Variants in HSPH1 observed in about 807,000 individuals in gnomAD.
The protein encoded by HSPH1 is heat shock protein 105 kDa.
In HSPH1, 40 loss-of-function variants were observed where a neutral mutation model predicts 100.0. That is an observed-to-expected ratio of 0.40 (90% CI 0.31 to 0.52). The LOEUF (loss-of-function observed/expected upper bound fraction) is 0.52, where lower values mean the gene tolerates loss of function less well. Ranked by LOEUF, HSPH1 falls within the 20% of genes least tolerant of loss-of-function variation. The probability of loss-of-function intolerance (pLI) is 0.54; values close to 1 mark genes in which losing one functional copy is unlikely to be tolerated. For missense variants in HSPH1, 876 were observed against 1,015.1 expected (o/e 0.86, Z 1.86); for synonymous variants, 403 against 344.0 (o/e 1.17, Z -1.90).
intron 11 of HSPH1, 88 bp from the exon 12 acceptor site, chr13:31,144,011 C>T: frequency 8.7e-7 from 1 of 1,151,542 alleles, no homozygotes; most frequent in South Asian, 2.5e-5. Context: ...AGAAAGTACA[C>T]TCAATTTCTG....
chr13:31,138,115 A>G (rs1396251415), intron 17 of HSPH1, among the ~76,000 whole-genome samples: 1 of 152,038 alleles, frequency 6.6e-6, no homozygotes, highest in African/African-American at 2.4e-5. Context: ...GAGTTCCATA[A>G]GGGCAGAGAC....
chr13:31,158,209 A>G (rs886913539), intron 2 of HSPH1, among the ~76,000 whole-genome samples: 3 of 152,234 alleles, frequency 2.0e-5, no homozygotes, highest in Non-Finnish European at 4.4e-5. Context: ...TGCCTTGTTT[A>G]TAATTTCTAA....
At chr13:31,141,332 A>AGTAAGTATGAGGACATTTTT in intron 12 of HSPH1, 73 bp from the exon 13 acceptor site, 1 of 1,254,640 alleles carries the variant, frequency 8.0e-7, no homozygotes, top group Non-Finnish European at 1.1e-6. Flanking sequence ...AAATGTCCTC[A>AGTAAGTATGAGGACATTTTT]TACTTACTGA....
chr13:31,161,092 G>T (rs1332306576), intron 1 of HSPH1, among the ~76,000 whole-genome samples: 2 of 152,224 alleles, frequency 1.3e-5, no homozygotes, highest in African/African-American at 4.8e-5. Context: ...GCCGGGTGGG[G>T]ATACGGGGGC....
At chr13:31,161,394 C>G (rs1956903944) in intron 1 of HSPH1, 82 bp downstream of exon 1, 1 of 1,554,012 alleles carries the variant, frequency 6.4e-7, no homozygotes, top group Admixed American at 1.9e-5. Context: ...CGCGGTGATC[C>G]GTACAGCCAG....
chr13:31,142,607 A>AT (rs1956135776), intron 12 of HSPH1, among the ~76,000 whole-genome samples: 2 of 152,106 alleles, frequency 1.3e-5, no homozygotes, highest in Admixed American at 1.3e-4. Flanking sequence ...ATAGTACCCA[A>AT]TTAAACCAAC....
At chr13:31,158,910 A>G (rs773883076) in intron 1 of HSPH1, 47 bp from the exon 2 acceptor site, 1 of 1,153,874 alleles carries the variant, frequency 8.7e-7, no homozygotes, top group East Asian at 2.3e-5. Flanking sequence ...AAAGGTTGAT[A>G]TTTTAAACTG....
chr13:31,144,918 A>G (rs545507660), intron 11 of HSPH1, among the ~76,000 whole-genome samples: 51 of 152,158 alleles, frequency 3.4e-4, no homozygotes, highest in Admixed American at 1.6e-3. Context: ...ACTTTCTCAC[A>G]TCTTAACTAA....
chr13:31,162,185 A>C, upstream of HSPH1: 3 of 1,135,426 alleles, frequency 2.6e-6, no homozygotes, highest in Non-Finnish European at 3.8e-6. Flanking sequence ...CCCTAATAAA[A>C]CAGGCAACGA....
chr13:31,147,319 A>G (rs1956298981), intron 10 of HSPH1, among the ~76,000 whole-genome samples: 1 of 152,166 alleles, frequency 6.6e-6, no homozygotes, highest in Non-Finnish European at 1.5e-5. Flanking sequence ...AAGAAAGAAA[A>G]CACAACTGAT....
At chr13:31,147,342 C>T (rs181152709) in intron 10 of HSPH1, among the ~76,000 whole-genome samples, 1 of 152,198 alleles carries the variant, frequency 6.6e-6, no homozygotes, top group African/African-American at 2.4e-5. Flanking sequence ...GGTTGGACTC[C>T]TTCAAACAAT....
Position 31,139,029 on chromosome 13 carries a change from C to T in HSPH1, c.2059G>A (p.Ala687Thr), listed in dbSNP as rs1462996653. The T allele has an allele frequency of 1.9e-6, 3 of 1,612,818 alleles. No individual in the cohort carries two copies. The highest frequency in any genetic ancestry group is 2.2e-5 in the East Asian group (1 of 44,850). The change falls in exon 15 of 18, where the codon GCA becomes ACA. Residue 687 changes from alanine (A) to threonine (T), a missense_variant. Transcript: ENST00000320027. ...YEEGEDQAKQAYVDKLEELMK... is the reference protein window; with the variant it reads ...YEEGEDQAKQTYVDKLEELMK... ...AATTCTTCCAACTTGTCAACATATG[C>T]TTGTTTAGCTTGGTCCTCTCCTTCT...
At chr13:31,140,607 T>A (rs1181670098) in intron 13 of HSPH1, 3 of 236,640 alleles carry the variant, frequency 1.3e-5, no homozygotes, top group Non-Finnish European at 2.5e-5. Context: ...TGTTTTCTTG[T>A]ATACAAATGG....
chr13:31,151,340 A>T, intron 6 of HSPH1, 149 bp from the exon 7 acceptor site: 1 of 764,922 alleles, frequency 1.3e-6, no homozygotes, highest in Non-Finnish European at 2.0e-6. Context: ...TCAGGAATAA[A>T]TCTCTAAGAT....
intron 8 of HSPH1, among the ~76,000 whole-genome samples, chr13:31,148,852 T>C (rs184967017): frequency 1.3e-5 from 2 of 152,238 alleles, no homozygotes; most frequent in East Asian, 3.9e-4. Context: ...TCTACACTGC[T>C]TTCCAAATGT....
rs763121056 is a variant in HSPH1 at position 31,150,036 on chromosome 13, T to G, written c.1055A>C (p.Glu352Ala). The change falls in exon 8 of 18, where the codon GAA becomes GCA. Residue 352 changes from glutamate to alanine, a missense_variant. Transcript: ENST00000320027. ...TTTTCCAAAGAATTTGGCAATTCTT[T>G]CCTTCACAGCTGGAATTCGTGTAGC... is the stretch of plus-strand genomic sequence containing the variant. ...GGATRIPAVK[E>A]RIAKFFGKDI... 6.2e-7 allele frequency: 1 copy of G among 1,613,930 alleles called. No homozygotes were observed. The highest frequency in any genetic ancestry group is 8.5e-7 in the Non-Finnish European group (1 of 1,179,850).
chr13:31,149,344 A>T (rs945362639), intron 8 of HSPH1, among the ~76,000 whole-genome samples: 14 of 152,126 alleles, frequency 9.2e-5, no homozygotes, highest in Admixed American at 2.6e-4. Context: ...CTAGCTTAAA[A>T]CTCAAATGTT....
intron 13 of HSPH1, 198 bp from the exon 14 acceptor site, chr13:31,140,507 A>AT (rs1293793470): frequency 5.6e-6 from 2 of 358,228 alleles, no homozygotes; most frequent in East Asian, 4.2e-5. Context: ...CTGAAGTTTG[A>AT]TTTTTTTAAC....
chr13:31,155,123 G>A (rs370121278), intron 3 of HSPH1, among the ~76,000 whole-genome samples: 172 of 152,232 alleles, frequency 1.1e-3, no homozygotes, highest in African/African-American at 3.9e-3. Flanking sequence ...TTGATCACAA[G>A]ACAGGAATAC....
Sources: allele counts gnomAD v4.1 joint callset (sites outside exome capture counted in the v4.1 genomes callset), GRCh38; gene constraint gnomAD v4.1.1; transcripts MANE v1.5; gene names NCBI Gene and HGNC (gene_info 2026-07-23, HGNC 2026-07-21).